DENND1B: variants seen among roughly 807,000 people sequenced by gnomAD.
DENND1B encodes DENN domain-containing protein 1B.
DENND1B carries 59 observed loss-of-function variants against 90.1 expected under a neutral mutation model. The ratio of observed to expected loss-of-function variants is 0.65; its 90% confidence interval spans 0.53 to 0.81. The LOEUF is 0.81. Ranked by LOEUF, DENND1B falls within the 40% of genes least tolerant of loss-of-function variation. DENND1B has a pLI of 0.00. For synonymous variants in DENND1B, 337 were observed against 324.6 expected (o/e 1.04, Z -0.41); for missense variants, 862 against 912.6 (o/e 0.94, Z 0.71).
At chr1:197,582,112 G>A (rs1674296698) in intron 15 of DENND1B, among the ~76,000 whole-genome samples, 5 of 152,132 alleles carry the variant, frequency 3.3e-5, no homozygotes, top group Admixed American at 2.6e-4. Context: ...TTAAGTTTGT[G>A]TACAGGATAA....
intron 2 of DENND1B, among the ~76,000 whole-genome samples, chr1:197,723,182 T>C (rs569965440): frequency 1.3e-5 from 2 of 152,204 alleles, no homozygotes; most frequent in Non-Finnish European, 2.9e-5. Context: ...ACTCATAGCA[T>C]GTTAGATATA....
intron 6 of DENND1B, among the ~76,000 whole-genome samples, chr1:197,653,154 A>C (rs1413476081): frequency 2.0e-5 from 3 of 152,042 alleles, no homozygotes; most frequent in Non-Finnish European, 4.4e-5. Context: ...AACTACTTTC[A>C]AAAGTATTCA....
chr1:197,737,403 A>G (rs1662798180), intron 2 of DENND1B, among the ~76,000 whole-genome samples: 1 of 152,196 alleles, frequency 6.6e-6, no homozygotes, highest in Admixed American at 6.5e-5. Context: ...CTTCTCAATA[A>G]ATCATCTATA....
At chr1:197,635,222 A>G (rs1236480779) in intron 10 of DENND1B, among the ~76,000 whole-genome samples, 1 of 152,228 alleles carries the variant, frequency 6.6e-6, no homozygotes, top group Non-Finnish European at 1.5e-5. Context: ...TTTACACTAT[A>G]ATGTAATTAA....
At chr1:197,725,318 A>G (rs1661531006) in intron 2 of DENND1B, among the ~76,000 whole-genome samples, 1 of 152,204 alleles carries the variant, frequency 6.6e-6, no homozygotes, top group South Asian at 2.1e-4. Flanking sequence ...AATATACTCT[A>G]CAACTTAAGA....
intron 2 of DENND1B, among the ~76,000 whole-genome samples, chr1:197,767,859 C>T (rs1030375381): frequency 3.9e-5 from 6 of 152,132 alleles, no homozygotes; most frequent in African/African-American, 1.4e-4. Flanking sequence ...ACAGTTTATA[C>T]TCAAATATTT....
chr1:197,682,310 A>G (rs1208801042), intron 3 of DENND1B, among the ~76,000 whole-genome samples: 1 of 152,096 alleles, frequency 6.6e-6, no homozygotes, highest in Non-Finnish European at 1.5e-5. Context: ...ATCATAACTG[A>G]TTGTTCATTC....
At chr1:197,660,844 A>G (rs1215025336) in intron 5 of DENND1B, among the ~76,000 whole-genome samples, 63 of 152,216 alleles carry the variant, frequency 4.1e-4, no homozygotes, top group Non-Finnish European at 7.4e-5. Context: ...ACCTCCTAAG[A>G]CATCCTAAAG....
At chr1:197,652,567 CTTAA>C (rs972821689) in intron 6 of DENND1B, among the ~76,000 whole-genome samples, 4 of 151,888 alleles carry the variant, frequency 2.6e-5, no homozygotes, top group East Asian at 1.9e-4. Context: ...ATTTGAAAAA[CTTAA>C]TTATTATAAA....
intron 15 of DENND1B, among the ~76,000 whole-genome samples, chr1:197,558,426 T>C (rs1447276632): frequency 1.3e-5 from 2 of 151,858 alleles, no homozygotes; most frequent in African/African-American, 4.8e-5. Flanking sequence ...CAGATTTTGT[T>C]AATCTTTATG....
At chr1:197,661,649 C>T (rs931319542) in intron 5 of DENND1B, among the ~76,000 whole-genome samples, 1 of 151,888 alleles carries the variant, frequency 6.6e-6, no homozygotes, top group African/African-American at 2.4e-5. Context: ...CCTTTGGTAA[C>T]CTTAATTTTT....
Position 197,539,977 on chromosome 1 carries a change from C to A in DENND1B, c.1502G>T (p.Arg501Leu), listed in dbSNP as rs140388741. The A allele has an allele frequency of 2.5e-6, 4 of 1,612,342 alleles. No homozygotes were observed. The highest frequency in any genetic ancestry group is 3.4e-6 in the Non-Finnish European group (4 of 1,178,878). Residue 501 changes from arginine (R) to leucine (L), a missense_variant, in exon 20 of 23, where the codon CGT (arginine) becomes CTT (leucine). Physicochemically the swap from Arg to Leu is moderately radical, Grantham distance 102. Coordinates refer to ENST00000620048, the MANE Select transcript of DENND1B (RefSeq NM_001195215.2). Reference protein sequence around the residue: ...HNEKGGNSEKRKLAQARLKRP... With the variant: ...HNEKGGNSEKLKLAQARLKRP... ...AACCTTACTTACCTGAGCAAGCTTA[C>A]GCTTTTCTGAGTTTCCTCCCTTTTC...
intron 7 of DENND1B, among the ~76,000 whole-genome samples, chr1:197,649,612 G>A (rs935992421): frequency 7.2e-5 from 11 of 152,048 alleles, no homozygotes; most frequent in African/African-American, 2.4e-4. Flanking sequence ...AAAACATAAA[G>A]CAGAGAAATG....
At chr1:197,548,217 G>A (rs758837270) in intron 16 of DENND1B, among the ~76,000 whole-genome samples, 3 of 152,126 alleles carry the variant, frequency 2.0e-5, no homozygotes, top group Admixed American at 6.6e-5. Flanking sequence ...ACAAGTCATC[G>A]CATGTTTTTA....
chr1:197,617,562 C>A, intron 11 of DENND1B, 97 bp downstream of exon 11: 5 of 814,384 alleles, frequency 6.1e-6, no homozygotes, highest in Non-Finnish European at 1.0e-5. Context: ...TCTGTGATTT[C>A]TTTTAAATAT....
chr1:197,752,969 CT>C (rs1189295118), intron 2 of DENND1B, among the ~76,000 whole-genome samples: 1 of 151,894 alleles, frequency 6.6e-6, no homozygotes, highest in Non-Finnish European at 1.5e-5. Flanking sequence ...TGAACTCATC[CT>C]TTTTTATGGC....
At chr1:197,777,933 T>C (rs1159495162), upstream of DENND1B, among the ~76,000 whole-genome samples, 2 of 152,146 alleles carry the variant, frequency 1.3e-5, no homozygotes, top group African/African-American at 4.8e-5. Context: ...ACGATGATTG[T>C]GTTGTTGACA....
chr1:197,553,714 C>T (rs985403437), intron 15 of DENND1B, among the ~76,000 whole-genome samples: 4 of 152,066 alleles, frequency 2.6e-5, no homozygotes, highest in Non-Finnish European at 5.9e-5. Context: ...TAATTTTAAC[C>T]ATTTACAATA....
chr1:197,552,107 A>G (rs1353481909), intron 16 of DENND1B: 4 of 561,422 alleles, frequency 7.1e-6, no homozygotes. Context: ...ATGAGTACTT[A>G]TTACGTTTTG....
Sources: gnomAD v4.1 joint callset for allele counts (sites outside exome capture counted in the v4.1 genomes callset) on GRCh38, gnomAD v4.1.1 for gene constraint, MANE v1.5 for transcripts, NCBI Gene and HGNC (gene_info 2026-07-23, HGNC 2026-07-21) for gene names.